OC90: variants seen among roughly 807,000 people sequenced by gnomAD.
OC90 encodes the protein otoconin-90.
OC90 carries 46 observed loss-of-function variants against 47.3 expected under a neutral mutation model. The observed-to-expected ratio is 0.97, with a 90% confidence interval of 0.77 to 1.24. The LOEUF (loss-of-function observed/expected upper bound fraction) is 1.24, where lower values mean the gene tolerates loss of function less well. Ranked by LOEUF, OC90 falls within the 50% of genes most tolerant of loss-of-function variation. The pLI is 0.00. For synonymous variants in OC90, 271 were observed against 219.5 expected (o/e 1.23, Z -2.07); for missense variants, 688 against 583.9 (o/e 1.18, Z -1.84).
intron 1 of OC90, among the ~76,000 whole-genome samples, chr8:132,055,729 A>C (rs1823272391): frequency 6.6e-6 from 1 of 152,040 alleles, no homozygotes; most frequent in Non-Finnish European, 1.5e-5. Flanking sequence ...AGGTCCTGAG[A>C]GTTCAATAGA....
At position 132,035,507 on chromosome 8, in the gene OC90, C is replaced by T. The variant is rs182329179; in HGVS notation, c.680-673G>A. ...TGCTTAACCACTAGGCAGACTATTT[C>T]ACTTCTGGCTGTGCCACACGAAAAA... On this transcript the variant is annotated intron_variant, in intron 9 of 13. Transcript: ENST00000254627. Among the ~76,000 whole-genome samples, 510 of 152,324 alleles carry T rather than the reference C, an allele frequency of 3.3e-3. 2 individuals carry two copies. The highest frequency in any genetic ancestry group is 0.014 in the Middle Eastern group (4 of 294).
Position 132,024,410 on chromosome 8 carries a change from C to T in OC90, c.*71G>A, listed in dbSNP as rs1230480224. ...AGAAGGCTCCAAGGGACAGAGGAGG[C>T]TGAGAGATAAAGAGCTGAAGGTGGA... is the stretch of plus-strand genomic sequence containing the variant. On this transcript the variant is annotated 3_prime_UTR_variant, in exon 14 of 14. Transcript: ENST00000254627. 3.2e-6 allele frequency: 4 copies of T among 1,240,992 alleles called. No homozygotes were observed. The highest frequency in any genetic ancestry group is 4.5e-6 in the Non-Finnish European group (4 of 896,248). The allele number at this position is 1,240,992 out of a possible 1,614,324, so 76.9% of individuals were successfully genotyped here.
At chr8:132,055,494 T>C (rs1823269716) in intron 1 of OC90, among the ~76,000 whole-genome samples, 1 of 152,216 alleles carries the variant, frequency 6.6e-6, no homozygotes, top group Non-Finnish European at 1.5e-5. Context: ...GTGCTGTAGT[T>C]TGACTTTTGT....
intron 2 of OC90, among the ~76,000 whole-genome samples, chr8:132,048,855 C>A (rs1241706449): frequency 6.6e-6 from 1 of 151,538 alleles, no homozygotes; most frequent in Non-Finnish European, 1.5e-5. Flanking sequence ...GCACAGTCTA[C>A]AAGAGGGCAG....
intron 2 of OC90, among the ~76,000 whole-genome samples, chr8:132,053,080 C>A (rs576126209): frequency 4.6e-5 from 7 of 152,090 alleles, no homozygotes; most frequent in Admixed American, 6.5e-5. Flanking sequence ...GCCTGGGATG[C>A]CTTCCCCTTG....
At chr8:132,042,212 G>A (rs971354281) in intron 4 of OC90, among the ~76,000 whole-genome samples, 2 of 152,120 alleles carry the variant, frequency 1.3e-5, no homozygotes, top group African/African-American at 4.8e-5. Context: ...TTATAATCAG[G>A]AGGCCCCAAG....
In OC90 at chr8:132,041,659, G is replaced by T. The variant is rs759400047; in HGVS notation, c.210C>A (p.Phe70Leu). 1 of 1,592,526 alleles carries T rather than the reference G, an allele frequency of 6.3e-7. No individual in the cohort carries two copies. Among genetic ancestry groups the T allele is most frequent in the South Asian group, 1.1e-5 (1 of 89,854 alleles). ...GPHFTWLQAV[F>L]TNFPVLIQFV... is the part of the protein sequence containing the mutation. ...ACTGGATCAGCACAGGGAAATTGGT[G>T]AAGACAGCCTGCAGCCAGGTGAAGT... is the stretch of plus-strand genomic sequence containing the variant. Residue 70 changes from phenylalanine to leucine, a missense_variant, in exon 5 of 14, where the codon TTC becomes TTA. Coordinates refer to ENST00000254627, the MANE Select transcript of OC90 (RefSeq NM_001080399.3).
intron 9 of OC90, among the ~76,000 whole-genome samples, chr8:132,035,682 G>T (rs1379719725): frequency 1.3e-5 from 2 of 152,222 alleles, no homozygotes; most frequent in African/African-American, 4.8e-5. Flanking sequence ...GAAAGAGGGA[G>T]ATTCTGGACC....
In OC90 at chr8:132,024,764, C is replaced by A. The variant is rs1822731608; in HGVS notation, c.1151G>T (p.Ser384Ile). 1 of 1,612,494 alleles carries A rather than the reference C, an allele frequency of 6.2e-7. No individual in the cohort carries two copies. The highest frequency in any genetic ancestry group is 2.2e-5 in the East Asian group (1 of 44,854). Residue 384 changes from serine (S) to isoleucine (I), a missense_variant, in exon 14 of 14, where the codon AGC (serine) becomes ATC (isoleucine). Transcript: ENST00000254627. ...GGCACAGAGCAACTTCTCACACAGGCTTTGGCCCCCACCTTAGAAGGAAAG... is the reference window on the plus strand; with the variant it reads ...GGCACAGAGCAACTTCTCACACAGGATTTGGCCCCCACCTTAGAAGGAAAG... The part of the protein sequence containing the change: ...VDHTPKCGGQ[S>I]LCEKLLCACD...
chr8:132,042,104 C>CTTTTTT (rs1563732101), intron 4 of OC90, among the ~76,000 whole-genome samples: 1 of 151,092 alleles, frequency 6.6e-6, no homozygotes, highest in African/African-American at 2.4e-5. Context: ...TCTTTTCTAG[C>CTTTTTT]AACGAATAAA....
intron 13 of OC90, among the ~76,000 whole-genome samples, chr8:132,028,718 A>AAGAG (rs760531921): frequency 6.8e-6 from 1 of 147,948 alleles, no homozygotes; most frequent in Non-Finnish European, 1.5e-5. Context: ...GAAAGAAAGA[A>AAGAG]AGAAAGAGAA....
chr8:132,040,982 G>A, intron 6 of OC90, 62 bp downstream of exon 6: 3 of 1,011,516 alleles, frequency 3.0e-6, no homozygotes, highest in Admixed American at 1.7e-5. Context: ...CCTGGTCCAG[G>A]CTTGGGATCC....
At chr8:132,049,153 G>A (rs1823178426) in intron 2 of OC90, among the ~76,000 whole-genome samples, 1 of 151,616 alleles carries the variant, frequency 6.6e-6, no homozygotes, top group Non-Finnish European at 1.5e-5. Flanking sequence ...CAAATAACTG[G>A]CTTAACCTTT....
intron 10 of OC90, 98 bp from the exon 11 acceptor site, chr8:132,033,262 C>T (rs896764225): frequency 8.1e-7 from 1 of 1,229,658 alleles, no homozygotes; most frequent in East Asian, 2.5e-5. Context: ...GATAGAACAA[C>T]ATAGTGTTAG....
At chr8:132,040,903 G>A (rs1432762331) in intron 6 of OC90, 141 bp downstream of exon 6, 2 of 635,168 alleles carry the variant, frequency 3.1e-6, no homozygotes, top group South Asian at 1.9e-5. Context: ...CAGCCCTCGT[G>A]GGGCTCTAAG....
At chr8:132,038,725 C>T (rs1823006181) in intron 8 of OC90, 65 bp downstream of exon 8, 12 of 1,278,906 alleles carry the variant, frequency 9.4e-6, no homozygotes, top group Non-Finnish European at 1.4e-5. Flanking sequence ...GGAGGTGTAT[C>T]CACCGGCTCC....
chr8:132,059,022 T>TTCTCTCCCTTCCTCCCTCTTTCCC (rs1185023990), intron 1 of OC90, among the ~76,000 whole-genome samples: 1 of 151,832 alleles, frequency 6.6e-6, no homozygotes, highest in African/African-American at 2.4e-5. Context: ...CCCTCCATTC[T>TTCTCTCCCTTCCTCCCTCTTTCCC]TCTCTCCCTT....
chr8:132,055,197 G>C lies in OC90; in HGVS notation c.-47-124C>G, dbSNP rs1402514022. 5.2e-6 allele frequency: 3 copies of C among 577,908 alleles called. No homozygotes were observed. The African/African-American group carries it at 5.7e-5, about 11-fold the overall frequency. The allele number at this position is 577,908 out of a possible 1,614,324, so 35.8% of individuals were successfully genotyped here. A position where few individuals can be genotyped will look rare whatever the true frequency, so the allele number is the denominator to read the frequency against. Reference sequence around the variant, plus strand: ...GTGGTAAAAGGAGAAAGCCCTGAAAGGGTGTAGGTCCCAGTTTTGCCACTA... The same window carrying C: ...GTGGTAAAAGGAGAAAGCCCTGAAACGGTGTAGGTCCCAGTTTTGCCACTA... On this transcript the variant is annotated intron_variant, in intron 1 of 13. Coordinates refer to ENST00000254627, the MANE Select transcript of OC90 (RefSeq NM_001080399.3).
At chr8:132,054,902 G>T in intron 2 of OC90, 79 bp downstream of exon 2, 2 of 888,858 alleles carry the variant, frequency 2.3e-6, no homozygotes, top group Non-Finnish European at 3.4e-6. Context: ...TGGTGGGGGT[G>T]GGCCTGTTGA....
Sources: gnomAD v4.1 joint callset for allele counts (sites outside exome capture counted in the v4.1 genomes callset) on GRCh38, gnomAD v4.1.1 for gene constraint, MANE v1.5 for transcripts, NCBI Gene and HGNC (gene_info 2026-07-23, HGNC 2026-07-21) for gene names.